H4C15: variants seen among roughly 807,000 people sequenced by gnomAD.
H4C15 encodes H4 clustered histone 15, also known as histone H4.
downstream of H4C15, chr1:149,850,285 A>G (rs781895116): frequency 1.4e-6 from 2 of 1,380,304 alleles, no homozygotes; most frequent in Non-Finnish European, 2.0e-6. Flanking sequence ...AAGATTCTTT[A>G]ACTGAGGTGG....
At chr1:149,849,673 GA>G (rs1190216007), downstream of H4C15, among the ~76,000 whole-genome samples, 3 of 152,056 alleles carry the variant, frequency 2.0e-5, no homozygotes, top group African/African-American at 7.2e-5. Context: ...AACTCTTGGG[GA>G]AAAAAACCAT....
chr1:149,845,582 T>G, the H4C15 span: 2 of 152,266 alleles, frequency 1.3e-5, no homozygotes, highest in Non-Finnish European at 2.9e-5. Context: ...GTGAGAAATA[T>G]GCAAGCTGGT....
At chr1:149,849,772 TC>T (rs1274942009), downstream of H4C15, among the ~76,000 whole-genome samples, 1 of 152,214 alleles carries the variant, frequency 6.6e-6, no homozygotes. Flanking sequence ...AAATCGAACT[TC>T]CATCTACCTC....
the H4C15 span, chr1:149,846,122 A>G: frequency 1.3e-5 from 2 of 152,248 alleles, no homozygotes; most frequent in South Asian, 4.1e-4. Context: ...GTTTAGAAGC[A>G]TGATGTCTAT....
downstream of H4C15, chr1:149,850,420 C>A (rs1553757648): frequency 1.7e-6 from 2 of 1,172,778 alleles, no homozygotes; most frequent in Admixed American, 4.0e-5. Flanking sequence ...TACTTGGTGA[C>A]CGCCTTGGTG....
At chr1:149,845,728 C>T in the H4C15 span, 1 of 152,148 alleles carries the variant, frequency 6.6e-6, no homozygotes, top group Admixed American at 6.5e-5. Context: ...AGATAGAGTG[C>T]TCTTGGAGAA....
the H4C15 span, chr1:149,848,219 T>C: frequency 1.3e-5 from 2 of 152,330 alleles, no homozygotes; most frequent in African/African-American, 4.8e-5. Context: ...AATATGTAAT[T>C]GGAGCAACTC....
the H4C15 span, chr1:149,845,871 TGAAAA>T: frequency 6.6e-6 from 1 of 152,136 alleles, no homozygotes; most frequent in African/African-American, 2.4e-5. Flanking sequence ...ACTGAGCACT[TGAAAA>T]GAGCTGCTAT....
the H4C15 span, chr1:149,845,362 TA>T: frequency 6.6e-6 from 1 of 152,208 alleles, no homozygotes; most frequent in Non-Finnish European, 1.5e-5. Flanking sequence ...AATAAGTGAC[TA>T]AATGTATATT....
downstream of H4C15, chr1:149,850,250 A>G (rs2092169685): frequency 8.8e-7 from 1 of 1,140,566 alleles, no homozygotes; most frequent in African/African-American, 1.5e-5. Context: ...AGCCAAAAAC[A>G]TCAACTGGGA....
chr1:149,849,101 T>G (rs1447850354), downstream of H4C15: 2 of 152,238 alleles, frequency 1.3e-5, no homozygotes, highest in African/African-American at 4.8e-5. Flanking sequence ...ACACAGTTGC[T>G]CAAGCCAAAA....
At chr1:149,849,895 G>A (rs587672827), downstream of H4C15, among the ~76,000 whole-genome samples, 27 of 152,324 alleles carry the variant, frequency 1.8e-4, no homozygotes, top group African/African-American at 6.0e-4. Context: ...TCCCTTTTAA[G>A]TACACATCTG....
chr1:149,849,881 C>G (rs587707370), downstream of H4C15, among the ~76,000 whole-genome samples: 1 of 152,312 alleles, frequency 6.6e-6, no homozygotes, highest in East Asian at 1.9e-4. Flanking sequence ...AAAAGTTGAG[C>G]TATTCCCTTT....
At chr1:149,850,909 C>G, downstream of H4C15, 1 of 68,322 alleles carries the variant, frequency 1.5e-5, no homozygotes, top group Non-Finnish European at 2.5e-5. Context: ...TTCCGCGGCG[C>G]GCAATGCGAG....
At chr1:149,846,924 AAAC>A in the H4C15 span, 1 of 152,210 alleles carries the variant, frequency 6.6e-6, no homozygotes, top group Non-Finnish European at 1.5e-5. Flanking sequence ...AATGGTTTTA[AAAC>A]AACAGTCATT....
At chr1:149,845,757 T>C in the H4C15 span, 2 of 152,218 alleles carry the variant, frequency 1.3e-5, no homozygotes, top group African/African-American at 2.4e-5. Flanking sequence ...GAGAGGCCGA[T>C]GGTAGCAGTG....
downstream of H4C15, among the ~76,000 whole-genome samples, chr1:149,855,370 G>T (rs2092181168): frequency 7.7e-6 from 1 of 130,048 alleles, no homozygotes. Flanking sequence ...TCTGCCTTAG[G>T]CTAGTGGGGG....
chr1:149,845,182 C>G, the H4C15 span: 1 of 152,160 alleles, frequency 6.6e-6, no homozygotes, highest in African/African-American at 2.4e-5. Flanking sequence ...AAAATTCACA[C>G]AGGTATGAAA....
At chr1:149,849,170 C>G (rs1233224162), downstream of H4C15, 3 of 152,218 alleles carry the variant, frequency 2.0e-5, no homozygotes, top group Non-Finnish European at 2.9e-5. Flanking sequence ...TTAATTCTAC[C>G]TCAAAGATAA....
Sources: gnomAD v4.1 joint callset for allele counts (sites outside exome capture counted in the v4.1 genomes callset) on GRCh38, gnomAD v4.1.1 for gene constraint, MANE v1.5 for transcripts, NCBI Gene and HGNC (gene_info 2026-07-23, HGNC 2026-07-21) for gene names.